Variants in EIF4E observed in about 807,000 individuals in gnomAD.
EIF4E encodes eukaryotic translation initiation factor 4E.
For missense variants in EIF4E, 113 were observed against 265.6 expected, an observed-to-expected ratio of 0.43 and a Z score of 3.99; for synonymous variants, 71 against 88.5, an observed-to-expected ratio of 0.80 and a Z score of 1.11.
intron 1 of EIF4E, among the ~76,000 whole-genome samples, chr4:98,915,521 C>G (rs1480982439): frequency 1.3e-5 from 2 of 151,830 alleles, no homozygotes; most frequent in Admixed American, 1.3e-4. Flanking sequence ...GGGCCAACAG[C>G]CAATATCATA....
At chr4:98,910,711 C>G (rs1319938317) in intron 1 of EIF4E, among the ~76,000 whole-genome samples, 2 of 151,276 alleles carry the variant, frequency 1.3e-5, no homozygotes, top group Non-Finnish European at 1.5e-5. Flanking sequence ...TTCAAATAAA[C>G]AGTTTTAAAA....
intron 1 of EIF4E, among the ~76,000 whole-genome samples, chr4:98,908,521 C>T (rs1268230293): frequency 6.6e-6 from 1 of 152,106 alleles, no homozygotes; most frequent in Non-Finnish European, 1.5e-5. Flanking sequence ...CTACAAGGTA[C>T]TAATACAACA....
At chr4:98,896,301 G>A (rs950085338) in intron 2 of EIF4E, among the ~76,000 whole-genome samples, 4 of 151,726 alleles carry the variant, frequency 2.6e-5, no homozygotes, top group Admixed American at 6.6e-5. Context: ...GAGCCAAAGA[G>A]TTCGAGGTTG....
At chr4:98,895,980 G>C (rs1276977140) in intron 2 of EIF4E, among the ~76,000 whole-genome samples, 1 of 152,076 alleles carries the variant, frequency 6.6e-6, no homozygotes, top group South Asian at 2.1e-4. Flanking sequence ...GGTGGATCAT[G>C]AGGTCAAGAG....
intron 1 of EIF4E, among the ~76,000 whole-genome samples, chr4:98,913,709 A>G (rs1419039123): frequency 6.6e-6 from 1 of 152,226 alleles, no homozygotes; most frequent in Non-Finnish European, 1.5e-5. Flanking sequence ...TCAGTTTCAT[A>G]TGTTCCCAGG....
chr4:98,899,751 T>C (rs1317680966), intron 2 of EIF4E, among the ~76,000 whole-genome samples: 1 of 152,136 alleles, frequency 6.6e-6, no homozygotes, highest in Non-Finnish European at 1.5e-5. Context: ...GTCAACTGTA[T>C]AGACGTATGT....
chr4:98,879,284 A>C lies in EIF4E; in HGVS notation c.*1744T>G, dbSNP rs1253656523. The C allele has an allele frequency of 6.6e-6, 1 of 152,088 alleles. No homozygotes were observed. The highest frequency in any genetic ancestry group is 1.5e-5 in the Non-Finnish European group (1 of 67,980). The allele number at this position is 152,088 out of a possible 1,614,324, so 9.4% of individuals were successfully genotyped here. ...TTTTACAATGAAATCAGTGCTATTA[A>C]TTTCATGTTTATTTCATACAGGGTT... On this transcript the variant is annotated 3_prime_UTR_variant, in exon 7 of 7. Transcript: ENST00000450253.
At chr4:98,910,920 G>C (rs760002859) in intron 1 of EIF4E, among the ~76,000 whole-genome samples, 1 of 151,916 alleles carries the variant, frequency 6.6e-6, no homozygotes, top group Non-Finnish European at 1.5e-5. Flanking sequence ...AAGTAGAGAC[G>C]AGGTTTCACC....
At position 98,901,945 on chromosome 4, in the gene EIF4E, T is replaced by G. The variant is rs766039535; in HGVS notation, c.56A>C (p.Glu19Ala). ...CTCCTGATTAGATTCCGTTTTCTCC[T>G]CTTCTGTAGTCGGGGGATTAGGAGT... is the stretch of plus-strand genomic sequence containing the variant. ...TPTPNPPTTE[E>A]EKTESNQEVA... The change falls in exon 2 of 7, where the codon GAG (glutamate) becomes GCG (alanine). Residue 19 changes from glutamate (E) to alanine (A), a missense_variant. Glu to Ala is a moderately radical substitution (Grantham distance 107). Transcript: ENST00000450253. The G allele has an allele frequency of 6.2e-7, 1 of 1,613,460 alleles. No individual in the cohort carries two copies. Among genetic ancestry groups the G allele is most frequent in the Non-Finnish European group, 8.5e-7 (1 of 1,179,926 alleles).
At chr4:98,884,445 G>A (rs1404077798) in intron 6 of EIF4E, among the ~76,000 whole-genome samples, 1 of 152,192 alleles carries the variant, frequency 6.6e-6, no homozygotes, top group Non-Finnish European at 1.5e-5. Flanking sequence ...GCTCATGCCT[G>A]TAATGATAGC....
At chr4:98,912,443 G>A (rs1037550881) in intron 1 of EIF4E, among the ~76,000 whole-genome samples, 1 of 151,774 alleles carries the variant, frequency 6.6e-6, no homozygotes, top group Non-Finnish European at 1.5e-5. Context: ...GGGCGTGGTG[G>A]TGCATGCCTG....
chr4:98,920,233 G>T (rs1725585461), intron 1 of EIF4E, among the ~76,000 whole-genome samples: 1 of 151,930 alleles, frequency 6.6e-6, no homozygotes, highest in Non-Finnish European at 1.5e-5. Flanking sequence ...AATCCTTGTT[G>T]TACTTCAGTA....
intron 2 of EIF4E, among the ~76,000 whole-genome samples, chr4:98,892,336 C>CCAAAAAAAAAAAAAAAAAAAA (rs201936292): frequency 7.6e-6 from 1 of 131,228 alleles, no homozygotes. Context: ...AACAAAAAAA[C>CCAAAAAAAAAAAAAAAAAAAA]AAACAAAAAA....
At chr4:98,904,745 T>C (rs1184908441) in intron 1 of EIF4E, among the ~76,000 whole-genome samples, 1 of 152,198 alleles carries the variant, frequency 6.6e-6, no homozygotes. Flanking sequence ...TTCTCCAGCC[T>C]GGGCGACAAG....
At chr4:98,881,730 G>A (rs1231573147) in intron 6 of EIF4E, among the ~76,000 whole-genome samples, 2 of 152,098 alleles carry the variant, frequency 1.3e-5, no homozygotes, top group East Asian at 3.8e-4. Flanking sequence ...CACTTCGAGG[G>A]AGTGAATGAA....
At chr4:98,908,889 CAT>C (rs1325584376) in intron 1 of EIF4E, among the ~76,000 whole-genome samples, 1 of 152,232 alleles carries the variant, frequency 6.6e-6, no homozygotes, top group Non-Finnish European at 1.5e-5. Flanking sequence ...AAGAACACCA[CAT>C]GTCCTAGTTC....
intron 1 of EIF4E, among the ~76,000 whole-genome samples, chr4:98,907,858 G>T (rs2110205723): frequency 6.6e-6 from 1 of 152,274 alleles, no homozygotes; most frequent in Non-Finnish European, 1.5e-5. Flanking sequence ...GTTTGGCACT[G>T]AAGTGATCCA....
intron 2 of EIF4E, among the ~76,000 whole-genome samples, chr4:98,894,822 G>C (rs927097045): frequency 1.3e-5 from 2 of 152,170 alleles, no homozygotes; most frequent in Non-Finnish European, 2.9e-5. Flanking sequence ...CCTAGCTTTT[G>C]GCCTGTGTTG....
intron 1 of EIF4E, 42 bp downstream of exon 1, chr4:98,929,053 G>A: frequency 6.3e-7 from 1 of 1,576,028 alleles, no homozygotes; most frequent in South Asian, 1.2e-5. Flanking sequence ...GGAAGACGGA[G>A]CGCGGGGACC....
Sources: gnomAD v4.1 joint callset for allele counts (sites outside exome capture counted in the v4.1 genomes callset) on GRCh38, gnomAD v4.1.1 for gene constraint, MANE v1.5 for transcripts, NCBI Gene and HGNC (gene_info 2026-07-23, HGNC 2026-07-21) for gene names.